KLC2: variants seen among roughly 807,000 people sequenced by gnomAD.
KLC2 encodes the protein kinesin light chain 2, also known as KLC 2.
In KLC2, 35 loss-of-function variants were observed where a neutral mutation model predicts 75.1. That is an observed-to-expected ratio of 0.47 (90% CI 0.36 to 0.62). The LOEUF (loss-of-function observed/expected upper bound fraction) is 0.62. Ranked by LOEUF, KLC2 falls within the 20% of genes least tolerant of loss-of-function variation. The probability of loss-of-function intolerance (pLI) is 0.00; values close to 1 mark genes in which losing one functional copy is unlikely to be tolerated. For synonymous variants in KLC2, 314 were observed against 336.7 expected (o/e 0.93, Z 0.74); for missense variants, 611 against 833.2 (o/e 0.73, Z 3.28).
At chr11:66,264,589 C>A (rs1856682005) in intron 9 of KLC2, 145 bp downstream of exon 9, 1 of 680,232 alleles carries the variant, frequency 1.5e-6, no homozygotes, top group Admixed American at 2.2e-5. Flanking sequence ...GGTGCCCAGC[C>A]ACCTGTGCTC....
At chr11:66,256,217 C>T (rs1856030313), upstream of KLC2, among the ~76,000 whole-genome samples, 3 of 151,846 alleles carry the variant, frequency 2.0e-5, no homozygotes. Flanking sequence ...ATATTGAGAC[C>T]CTGTCTCTAA....
chr11:66,265,280 G>C (rs371419234), intron 11 of KLC2, 45 bp downstream of exon 11: 1 of 1,541,610 alleles, frequency 6.5e-7, no homozygotes. Context: ...ACGGCAGGGC[G>C]GGCTCCACAT....
In KLC2 at chr11:66,262,859, A is replaced by T; in HGVS notation, c.575A>T (p.Tyr192Phe). The T allele has an allele frequency of 6.2e-7, 1 of 1,613,582 alleles. No homozygotes were observed. Among genetic ancestry groups the T allele is most frequent in the Non-Finnish European group, 8.5e-7 (1 of 1,179,910 alleles). Residue 192 changes from tyrosine (Y) to phenylalanine (F), a missense_variant, in exon 5 of 16, where the codon TAC becomes TTC. By Grantham distance (22) the Tyr-to-Phe change is conservative. Transcript: ENST00000394067. The stretch of plus-strand genomic sequence containing the variant: ...GATGTGTCTGGTCAGCATGGGGGCT[A>T]CGAGATCCCGGCCCGGCTCCGCACC... Reference protein sequence around the residue: ...GGDVSGQHGGYEIPARLRTLH... With the variant: ...GGDVSGQHGGFEIPARLRTLH...
intron 2 of KLC2, chr11:66,259,432 G>A (rs1856236008): frequency 6.6e-6 from 1 of 152,382 alleles, no homozygotes; most frequent in South Asian, 2.1e-4. Flanking sequence ...GGGAGAAGTT[G>A]CATGTGCAAA....
intron 1 of KLC2, 103 bp from the exon 2 acceptor site, chr11:66,258,481 G>A (rs1038950579): frequency 8.0e-6 from 6 of 747,408 alleles, no homozygotes; most frequent in East Asian, 7.8e-5. Context: ...CTGGGCACAC[G>A]GGAGACTCAG....
In KLC2 at chr11:66,264,939, C is replaced by A. The variant is rs1223170153; in HGVS notation, c.1217-84C>A. The A allele has an allele frequency of 1.0e-5, 14 of 1,372,656 alleles. No homozygotes were observed. The African/African-American group carries it at 2.0e-4, about 20-fold the overall frequency. 85.0% of individuals were successfully genotyped at this position (1,372,656 alleles called of 1,614,324 possible). On this transcript the variant is annotated intron_variant, in intron 9 of 15. Transcript: ENST00000394067. ...TCAACGAAGCCCAACCGTGGTCTCC[C>A]CTCCCCTGACCCCAGTCCTGTGTCC...
rs1856636958 is a variant in KLC2, at chr11:66,264,130, G to A, written c.1027G>A (p.Val343Met). 1.9e-6 allele frequency: 3 copies of A among 1,597,626 alleles called. No individual in the cohort carries two copies. Among genetic ancestry groups the A allele is most frequent in the African/African-American group, 1.3e-5 (1 of 74,540 alleles). The change falls in exon 8 of 16, where the codon GTG (valine) becomes ATG (methionine). Residue 343 changes from valine to methionine, a missense_variant. Coordinates refer to ENST00000394067, the MANE Select transcript of KLC2 (RefSeq NM_001318734.2). ...LCQNQGKAEE[V>M]EYYYRRALEI... ...CCAGAACCAGGGCAAAGCTGAGGAG[G>A]TGGAATATTACTATCGGCGGGCACT...
Position 66,266,026 on chromosome 11 carries a change from C to T in KLC2, c.1602+14C>T, listed in dbSNP as rs201766649. ...GAGTGGAATGGGGTGAGTCCGGGGCCTGGGCCGGGTCGGGCTGGGAGCCTA... is the reference window on the plus strand; with the variant it reads ...GAGTGGAATGGGGTGAGTCCGGGGCTTGGGCCGGGTCGGGCTGGGAGCCTA... On this transcript the variant is annotated intron_variant, in intron 13 of 15. Coordinates refer to ENST00000394067, the MANE Select transcript of KLC2 (RefSeq NM_001318734.2). The T allele has an allele frequency of 9.9e-6, 16 of 1,613,360 alleles. No homozygotes were observed. The East Asian group carries it at 3.6e-4, about 36-fold the overall frequency.
At position 66,257,817 on chromosome 11, in the gene KLC2, C is replaced by G. The variant is rs1856107679; in HGVS notation, c.-66C>G. On this transcript the variant is annotated 5_prime_UTR_variant, in exon 1 of 16. Coordinates refer to ENST00000394067, the MANE Select transcript of KLC2 (RefSeq NM_001318734.2). ...GCGGGACCGGCTCGCGGGTGCGGGT[C>G]CGGGTGAAGCGGGAGGCAGCCAGAG... is the stretch of plus-strand genomic sequence containing the variant. 6.5e-6 allele frequency: 1 copy of G among 153,024 alleles called. No homozygotes were observed. Among genetic ancestry groups the G allele is most frequent in the East Asian group, 1.9e-4 (1 of 5,216 alleles). 9.5% of individuals were successfully genotyped at this position (153,024 alleles called of 1,614,324 possible).
chr11:66,266,395 C>G (rs766282258), intron 14 of KLC2, 38 bp from the exon 15 acceptor site: 51 of 1,549,648 alleles, frequency 3.3e-5, no homozygotes, highest in Middle Eastern at 3.4e-4. Context: ...CCCGTGAGTT[C>G]CTCCTTGGGC....
chr11:66,244,490 G>C, the KLC2 span: 1 of 152,382 alleles, frequency 6.6e-6, no homozygotes, highest in African/African-American at 2.4e-5. Flanking sequence ...CCCCCAGCCC[G>C]GCCATCTGCG....
At chr11:66,258,121 T>A (rs1380513454) in intron 1 of KLC2, 1 of 159,936 alleles carries the variant, frequency 6.3e-6, no homozygotes, top group Admixed American at 6.2e-5. Context: ...GGGGGCCGCG[T>A]ACTCAGCCCC....
chr11:66,249,292 G>T, the KLC2 span, among the ~76,000 whole-genome samples: 1 of 152,304 alleles, frequency 6.6e-6, no homozygotes, highest in African/African-American at 2.4e-5. Context: ...GTTGACCTGG[G>T]CTCCTCACTG....
the KLC2 span, among the ~76,000 whole-genome samples, chr11:66,245,651 G>A: frequency 1.3e-5 from 2 of 152,132 alleles, no homozygotes; most frequent in Non-Finnish European, 2.9e-5. Context: ...AGGAGGTGGA[G>A]GTTGCAGTGA....
chr11:66,248,108 A>C, the KLC2 span, among the ~76,000 whole-genome samples: 10 of 152,220 alleles, frequency 6.6e-5, no homozygotes, highest in Non-Finnish European at 8.8e-5. Flanking sequence ...TGATGCAGAA[A>C]GTGGAAGAGC....
upstream of KLC2, among the ~76,000 whole-genome samples, chr11:66,255,254 T>A (rs1392075175): frequency 2.6e-5 from 4 of 152,198 alleles, no homozygotes; most frequent in African/African-American, 4.8e-5. Flanking sequence ...GGCATGATGT[T>A]ATTTCTGCTC....
In KLC2 at chr11:66,267,582, C is replaced by G; in HGVS notation, c.*626C>G. 3.2e-6 allele frequency: 2 copies of G among 619,426 alleles called. No homozygotes were observed. The highest frequency in any genetic ancestry group is 2.7e-5 in the East Asian group (1 of 36,458). 38.4% of individuals were successfully genotyped at this position (619,426 alleles called of 1,614,324 possible). A position where few individuals can be genotyped will look rare whatever the true frequency, so the allele number is the denominator to read the frequency against. On this transcript the variant is annotated 3_prime_UTR_variant, in exon 16 of 16. Coordinates refer to ENST00000394067, the MANE Select transcript of KLC2 (RefSeq NM_001318734.2). Reference sequence around the variant, plus strand: ...CGCGCCATCGCCCCGTGGCCCAGGACGGGGACCTCCCCTTAGTCCGTCCTC... The same window carrying G: ...CGCGCCATCGCCCCGTGGCCCAGGAGGGGGACCTCCCCTTAGTCCGTCCTC...
upstream of KLC2, among the ~76,000 whole-genome samples, chr11:66,254,670 A>C (rs1372155433): frequency 6.6e-6 from 1 of 150,688 alleles, no homozygotes; most frequent in Non-Finnish European, 1.5e-5. Context: ...CTCTTAAAAA[A>C]AAAAAAAAAA....
Position 66,267,509 on chromosome 11 carries a change from C to T in KLC2, c.*553C>T. ...GGGAGCGGCGCCTCCCAAGGGGGTC[C>T]TGGGACCTTCTCGCGCTCCTCCTGG... On this transcript the variant is annotated 3_prime_UTR_variant, in exon 16 of 16. Transcript: ENST00000394067. 1.5e-6 allele frequency: 1 copy of T among 679,988 alleles called. No homozygotes were observed. Among genetic ancestry groups the T allele is most frequent in the Non-Finnish European group, 2.7e-6 (1 of 364,372 alleles). 42.1% of individuals were successfully genotyped at this position (679,988 alleles called of 1,614,324 possible). A position where few individuals can be genotyped will look rare whatever the true frequency, so the allele number is the denominator to read the frequency against.
Sources: allele counts gnomAD v4.1 joint callset (sites outside exome capture counted in the v4.1 genomes callset), GRCh38; gene constraint gnomAD v4.1.1; transcripts MANE v1.5; gene names NCBI Gene and HGNC (gene_info 2026-07-23, HGNC 2026-07-21).